ANKFN1: variants seen among roughly 807,000 people sequenced by gnomAD.
ANKFN1 encodes ankyrin repeat and fibronectin type-III domain-containing protein 1.
Under a neutral mutation model 108.7 loss-of-function variants are expected in ANKFN1, and 74 were observed. The observed-to-expected ratio is 0.68, with a 90% CI of 0.56 to 0.83. The LOEUF (loss-of-function observed/expected upper bound fraction) is 0.83. ANKFN1 is among the 40% of genes least tolerant of loss of function. The pLI, the probability that ANKFN1 is intolerant of heterozygous loss-of-function variation, is 0.00. For missense variants in ANKFN1, 1,505 were observed against 1,382.3 expected (o/e 1.09, Z -1.41); for synonymous variants, 547 against 516.2 (o/e 1.06, Z -0.81).
intron 11 of ANKFN1, among the ~76,000 whole-genome samples, chr17:56,451,123 GT>G (rs1386425472): frequency 7.9e-5 from 12 of 152,248 alleles, no homozygotes; most frequent in African/African-American, 2.9e-4. Flanking sequence ...GCTGAAAAAG[GT>G]TCTCTTGTCA....
At chr17:56,412,927 A>G (rs890624619) in intron 8 of ANKFN1, among the ~76,000 whole-genome samples, 2 of 152,220 alleles carry the variant, frequency 1.3e-5, no homozygotes, top group African/African-American at 2.4e-5. Flanking sequence ...TTGTAAGTCT[A>G]AGTAAAAGTG....
chr17:56,153,559 T>C (rs1442844784), intron 1 of ANKFN1, 29 bp downstream of exon 1: 1 of 1,613,246 alleles, frequency 6.2e-7, no homozygotes, highest in African/African-American at 1.3e-5. Context: ...TAAATATCGG[T>C]AATTGGTGTT....
At chr17:56,306,579 G>A (rs556078850) in intron 3 of ANKFN1, among the ~76,000 whole-genome samples, 2 of 152,144 alleles carry the variant, frequency 1.3e-5, no homozygotes. Context: ...AATAAAAGAC[G>A]ATATGAACAA....
intron 8 of ANKFN1, among the ~76,000 whole-genome samples, chr17:56,380,463 G>A (rs565515029): frequency 2.2e-4 from 34 of 152,312 alleles, no homozygotes; most frequent in Middle Eastern, 3.4e-3. Context: ...CACCGTGCAC[G>A]AGCCAAAGCA....
At chr17:56,257,365 C>A (rs116764764) in intron 3 of ANKFN1, among the ~76,000 whole-genome samples, 2,544 of 152,292 alleles carry the variant, frequency 0.017, 78 homozygotes, top group African/African-American at 0.059. Context: ...GAACTGCAAA[C>A]AATAGAGCCA....
At position 56,512,925 on chromosome 17, in the gene ANKFN1, C is replaced by G. The variant is rs1006133019; in HGVS notation, c.*1656C>G. ...AATGAAACCCTCAAAGAATCTTGAT[C>G]AGAATCACTACAGCTCCTTTTTCAT... On this transcript the variant is annotated 3_prime_UTR_variant, in exon 21 of 21. Coordinates refer to ENST00000682825, the MANE Select transcript of ANKFN1 (RefSeq NM_001370326.1). Among the ~76,000 whole-genome samples, 4 of 152,174 alleles carry G rather than the reference C, an allele frequency of 2.6e-5. No homozygotes were observed. The highest frequency in any genetic ancestry group is 6.5e-5 in the Admixed American group (1 of 15,280).
At chr17:56,105,308 G>T (rs149241784) in intron 4 of ANKFN1, among the ~76,000 whole-genome samples, 1 of 152,152 alleles carries the variant, frequency 6.6e-6, no homozygotes, top group Non-Finnish European at 1.5e-5. Flanking sequence ...ACAGGCAGAG[G>T]ACGAGGTGGA....
At position 56,440,243 on chromosome 17, in the gene ANKFN1, T is replaced by G. The variant is rs551096302; in HGVS notation, c.911-84T>G. ...ACTCTTTCTGAGAGGGATTGTATGC[T>G]AGAGTTTCTATGGTACTTCTTGATG... On this transcript the variant is annotated intron_variant, in intron 8 of 20. Coordinates refer to ENST00000682825, the MANE Select transcript of ANKFN1 (RefSeq NM_001370326.1). 10 of 756,064 alleles carry G rather than the reference T, an allele frequency of 1.3e-5. No homozygotes were observed. The Admixed American group carries it at 2.0e-4, about 15-fold the overall frequency. 46.8% of individuals were successfully genotyped at this position (756,064 alleles called of 1,614,324 possible). A position where few individuals can be genotyped will look rare whatever the true frequency, so the allele number is the denominator to read the frequency against.
At chr17:56,247,459 G>A (rs1918040277) in intron 3 of ANKFN1, among the ~76,000 whole-genome samples, 1 of 152,086 alleles carries the variant, frequency 6.6e-6, no homozygotes, top group African/African-American at 2.4e-5. Context: ...CAAACAAAAC[G>A]AAGATAAATA....
chr17:56,457,385 C>T lies in ANKFN1; in HGVS notation c.1436C>T (p.Thr479Met), dbSNP rs554206625. ...ATTACACAAGATTTTCTGTGGTTCA[C>T]GAAGGTATACTAAGTTCTGATTTCA... ...SSITQDFLWF[T>M]KLSCMWEDIR... Residue 479 changes from threonine to methionine, a missense_variant, in exon 13 of 21, where the codon ACG becomes ATG. Thr to Met is a moderately conservative substitution (Grantham distance 81, BLOSUM62 -1). Coordinates refer to ENST00000682825, the MANE Select transcript of ANKFN1 (RefSeq NM_001370326.1). 1.8e-5 allele frequency: 28 copies of T among 1,587,862 alleles called. No homozygotes were observed. In the South Asian group the frequency reaches 2.2e-4, roughly 13 times the overall value.
intron 3 of ANKFN1, among the ~76,000 whole-genome samples, chr17:56,310,123 G>A (rs2044969066): frequency 1.4e-5 from 2 of 145,690 alleles, no homozygotes; most frequent in Admixed American, 1.3e-4. Context: ...GCTGGACAAA[G>A]AGATGGATTC....
At chr17:56,348,570 C>T (rs767772032) in intron 4 of ANKFN1, among the ~76,000 whole-genome samples, 19 of 152,084 alleles carry the variant, frequency 1.2e-4, no homozygotes, top group Non-Finnish European at 2.5e-4. Context: ...GAAAAAACAA[C>T]AACCCCATTA....
chr17:56,064,945 C>T (rs1905037746), intron 4 of ANKFN1, among the ~76,000 whole-genome samples: 1 of 152,316 alleles, frequency 6.6e-6, no homozygotes, highest in East Asian at 1.9e-4. Context: ...TCACTCACCA[C>T]CTTCCTTGGC....
chr17:56,457,143 A>T, intron 12 of ANKFN1, 114 bp from the exon 13 acceptor site: 3 of 1,174,128 alleles, frequency 2.6e-6, no homozygotes, highest in Non-Finnish European at 3.6e-6. Context: ...AACTTATGAT[A>T]CTTAGCAGGA....
Position 56,402,456 on chromosome 17 carries a change from G to A in ANKFN1, c.910+27742G>A, listed in dbSNP as rs574522151. On this transcript the variant is annotated intron_variant, in intron 8 of 20. Transcript: ENST00000682825. ...CCAGGAATTTATTCATCTCTTCTAG[G>A]TTTTCTAGTTTGTGTGCATAAAGAT... Among the ~76,000 whole-genome samples, 6 of 152,102 alleles carry A rather than the reference G, an allele frequency of 3.9e-5. No individual in the cohort carries two copies. In the South Asian group the frequency reaches 1.0e-3, roughly 26 times the overall value.
chr17:56,229,985 T>C (rs2143925989), intron 3 of ANKFN1, among the ~76,000 whole-genome samples: 1 of 152,228 alleles, frequency 6.6e-6, no homozygotes, highest in East Asian at 1.9e-4. Context: ...GCAGCTACAT[T>C]GAACCAGCCC....
chr17:56,285,809 T>C (rs2044199801), intron 3 of ANKFN1, among the ~76,000 whole-genome samples: 1 of 151,006 alleles, frequency 6.6e-6, no homozygotes, highest in South Asian at 2.1e-4. Context: ...GATTTCCCCC[T>C]CCTGTTGTTG....
chr17:56,164,617 T>A (rs1220356401), intron 1 of ANKFN1, among the ~76,000 whole-genome samples: 1 of 152,196 alleles, frequency 6.6e-6, no homozygotes, highest in African/African-American at 2.4e-5. Context: ...ATCTGGAAGT[T>A]CTGGAAGCCT....
At position 56,185,134 on chromosome 17, in the gene ANKFN1, C is replaced by T. The variant is rs559855115; in HGVS notation, c.-70-27464C>T. On this transcript the variant is annotated intron_variant, in intron 1 of 20. Transcript: ENST00000682825. ...ACCTTGTACCACCTTGAAACCCTGACCTAAACTCCAATCCCAAATGTCATC... is the reference window on the plus strand; with the variant it reads ...ACCTTGTACCACCTTGAAACCCTGATCTAAACTCCAATCCCAAATGTCATC... Among the ~76,000 whole-genome samples the T allele has an allele frequency of 1.8e-4, 27 of 152,248 alleles. No homozygotes were observed. In the East Asian group the frequency reaches 5.2e-3, roughly 29 times the overall value.
Sources: allele counts gnomAD v4.1 joint callset (sites outside exome capture counted in the v4.1 genomes callset), GRCh38; gene constraint gnomAD v4.1.1; transcripts MANE v1.5; gene names NCBI Gene and HGNC (gene_info 2026-07-23, HGNC 2026-07-21).